NBEA: variants seen among roughly 807,000 people sequenced by gnomAD.
The protein encoded by NBEA is neurobeachin.
In NBEA, 44 loss-of-function variants were observed where a neutral mutation model predicts 343.4. The ratio of observed to expected loss-of-function variants is 0.13; its 90% CI spans 0.10 to 0.16. NBEA has a LOEUF of 0.16. Among genes scored for constraint, NBEA ranks in the 10% least tolerant of loss-of-function variants. NBEA has a pLI of 1.00. For missense variants in NBEA, 2,555 were observed against 3,631.3 expected (o/e 0.70, Z 7.62); for synonymous variants, 1,175 against 1,238.7 (o/e 0.95, Z 1.08).
At chr13:35,452,985 T>C (rs2046381521) in intron 40 of NBEA, among the ~76,000 whole-genome samples, 1 of 152,192 alleles carries the variant, frequency 6.6e-6, no homozygotes, top group Non-Finnish European at 1.5e-5. Flanking sequence ...TAAAAATGCC[T>C]GCTTCAGAGT....
chr13:35,349,875 A>T (rs957356353), intron 37 of NBEA, among the ~76,000 whole-genome samples: 3 of 152,108 alleles, frequency 2.0e-5, no homozygotes, highest in Non-Finnish European at 4.4e-5. Flanking sequence ...GACTAGGTCT[A>T]GTGATCTCTG....
chr13:35,594,992 A>AT (rs35174924), intron 47 of NBEA, among the ~76,000 whole-genome samples: 1 of 130,600 alleles, frequency 7.7e-6, no homozygotes, highest in Non-Finnish European at 1.6e-5. Flanking sequence ...CACACACACA[A>AT]ATTGGCTTTT....
chr13:35,593,251 G>A, intron 46 of NBEA, 77 bp from the exon 47 acceptor site: 2 of 1,507,990 alleles, frequency 1.3e-6, no homozygotes, highest in Non-Finnish European at 9.0e-7. Flanking sequence ...GGATTTTCAA[G>A]ATAGCCATGT....
intron 1 of NBEA, among the ~76,000 whole-genome samples, chr13:35,026,026 A>G (rs1163349137): frequency 6.6e-6 from 1 of 152,040 alleles, no homozygotes; most frequent in Admixed American, 6.6e-5. Flanking sequence ...CTCACCTTGA[A>G]TTGTAATAAT....
intron 1 of NBEA, among the ~76,000 whole-genome samples, chr13:35,023,891 T>C (rs2061930639): frequency 6.6e-6 from 1 of 152,156 alleles, no homozygotes; most frequent in African/African-American, 2.4e-5. Context: ...ATTGTGTGTC[T>C]TTGGGGGTTG....
At chr13:35,524,426 C>T (rs1414162960) in intron 41 of NBEA, among the ~76,000 whole-genome samples, 1 of 152,134 alleles carries the variant, frequency 6.6e-6, no homozygotes, top group Non-Finnish European at 1.5e-5. Flanking sequence ...CTCCCATTCC[C>T]CCAAGTACTT....
chr13:35,415,195 C>T (rs1222116402), intron 38 of NBEA, among the ~76,000 whole-genome samples: 4 of 152,174 alleles, frequency 2.6e-5, no homozygotes, highest in Non-Finnish European at 5.9e-5. Context: ...CCTGTTCACT[C>T]TGATGGTAGT....
chr13:35,110,708 G>C (rs1421713947), intron 12 of NBEA, 102 bp from the exon 13 acceptor site: 1 of 815,546 alleles, frequency 1.2e-6, no homozygotes, highest in Non-Finnish European at 1.8e-6. Context: ...GTCATTTCTT[G>C]GTCTTTACTA....
chr13:35,671,044 T>C lies in NBEA; in HGVS notation c.*53T>C. 7.6e-7 allele frequency: 1 copy of C among 1,320,848 alleles called. No individual in the cohort carries two copies. The highest frequency in any genetic ancestry group is 1.1e-6 in the Non-Finnish European group (1 of 944,436). The allele number at this position is 1,320,848 out of a possible 1,614,324, so 81.8% of individuals were successfully genotyped here. On this transcript the variant is annotated 3_prime_UTR_variant, in exon 59 of 59. Coordinates refer to ENST00000379939, the MANE Select transcript of NBEA (RefSeq NM_001385012.1). ...TAAAGCTGAGAGCACAAGTGCTGCA[T>C]GGAAAGGCAATATCTCTGGTGGAAA...
rs560996069 is a variant in NBEA, at chr13:35,540,948, G to A, written c.6586-9529G>A. ...ATTGCACTTCTCTAGTCCAAATAGC[G>A]TCTACCTTGCAGCCACAGCAGTGAT... On this transcript the variant is annotated intron_variant, in intron 41 of 58. Transcript: ENST00000379939. Among the ~76,000 whole-genome samples the A allele has an allele frequency of 1.4e-4, 21 of 152,212 alleles. 2 individuals are homozygous for A. Among genetic ancestry groups the A allele is most frequent in the South Asian group, 8.3e-4 (4 of 4,822 alleles).
intron 40 of NBEA, among the ~76,000 whole-genome samples, chr13:35,458,089 T>C (rs112367714): frequency 0.034 from 5,146 of 152,304 alleles, 137 homozygotes; most frequent in African/African-American, 0.073. Context: ...GGTATATTCT[T>C]AGGAGGGGAA....
At chr13:35,316,157 A>T (rs1228404178) in intron 36 of NBEA, among the ~76,000 whole-genome samples, 2 of 151,966 alleles carry the variant, frequency 1.3e-5, no homozygotes, top group Non-Finnish European at 2.9e-5. Context: ...TGGGCAGAAC[A>T]TGCAGGTTTG....
At position 35,567,029 on chromosome 13, in the gene NBEA, A is replaced by G; in HGVS notation, c.7035+12A>G. On this transcript the variant is annotated intron_variant, in intron 45 of 58. Coordinates refer to ENST00000379939, the MANE Select transcript of NBEA (RefSeq NM_001385012.1). ...GGGATCTATCAAAGGTAACTTTTAA[A>G]TATATAGAAGTCAGCTTTCTTCATA... The G allele has an allele frequency of 6.9e-7, 1 of 1,451,286 alleles. No homozygotes were observed. The highest frequency in any genetic ancestry group is 9.7e-7 in the Non-Finnish European group (1 of 1,034,572). 89.9% of individuals were successfully genotyped at this position (1,451,286 alleles called of 1,614,324 possible). A position where few individuals can be genotyped will look rare whatever the true frequency, so the allele number is the denominator to read the frequency against.
At position 35,184,069 on chromosome 13, in the gene NBEA, A is replaced by G; in HGVS notation, c.4925A>G (p.Lys1642Arg). Reference protein sequence around the residue: ...PEQSFGHSFYKETPAAFPDTI... With the variant: ...PEQSFGHSFYRETPAAFPDTI... The stretch of plus-strand genomic sequence containing the variant: ...CAGAGCTTTGGCCACTCATTTTACA[A>G]AGGTAATACTGACCTCATCTCCTGA... The change falls in exon 30 of 59, where the codon AAA (lysine) becomes AGA (arginine). Residue 1642 changes from lysine (K) to arginine (R), a missense_variant and splice_region_variant. Physicochemically the swap from Lys to Arg is conservative, Grantham distance 26. Coordinates refer to ENST00000379939, the MANE Select transcript of NBEA (RefSeq NM_001385012.1). The G allele has an allele frequency of 6.2e-7, 1 of 1,604,584 alleles. No individual in the cohort carries two copies. The highest frequency in any genetic ancestry group is 8.5e-7 in the Non-Finnish European group (1 of 1,172,424).
chr13:35,181,332 A>G (rs1190411203), intron 28 of NBEA, among the ~76,000 whole-genome samples: 1 of 151,110 alleles, frequency 6.6e-6, no homozygotes, highest in African/African-American at 2.4e-5. Context: ...GCTAATAACT[A>G]TTATTTTTTT....
intron 38 of NBEA, among the ~76,000 whole-genome samples, chr13:35,408,218 AT>A: frequency 6.6e-6 from 1 of 152,298 alleles, no homozygotes; most frequent in South Asian, 2.1e-4. Flanking sequence ...ACATACCACT[AT>A]TTGATCTTTG....
intron 41 of NBEA, among the ~76,000 whole-genome samples, chr13:35,537,333 G>A (rs1003471533): frequency 6.6e-6 from 1 of 151,874 alleles, no homozygotes; most frequent in Admixed American, 6.6e-5. Flanking sequence ...ATTAATAGAA[G>A]TTAATCAGAA....
intron 8 of NBEA, among the ~76,000 whole-genome samples, chr13:35,063,395 A>C (rs2063534490): frequency 6.6e-6 from 1 of 151,962 alleles, no homozygotes; most frequent in South Asian, 2.1e-4. Flanking sequence ...AAAAAGTTGG[A>C]AGTTGATGCT....
At chr13:35,467,249 G>A (rs893410786) in intron 40 of NBEA, among the ~76,000 whole-genome samples, 11 of 152,058 alleles carry the variant, frequency 7.2e-5, no homozygotes, top group East Asian at 3.9e-4. Context: ...CAAGGCGGGC[G>A]GATCACAAGG....
Sources: allele counts gnomAD v4.1 joint callset (sites outside exome capture counted in the v4.1 genomes callset), GRCh38; gene constraint gnomAD v4.1.1; transcripts MANE v1.5; gene names NCBI Gene and HGNC (gene_info 2026-07-23, HGNC 2026-07-21).